AKNAD1: variants seen among roughly 807,000 people sequenced by gnomAD.
AKNAD1 encodes AKNA domain containing 1.
A neutral mutation model predicts 90.8 loss-of-function variants in AKNAD1; 67 were observed. The observed-to-expected ratio is 0.74, with a 90% CI of 0.61 to 0.90. The LOEUF is 0.90. AKNAD1 is among the 40% of genes least tolerant of loss of function. The probability of loss-of-function intolerance (pLI) is 0.00; values close to 1 mark genes in which losing one functional copy is unlikely to be tolerated. For synonymous variants in AKNAD1, 327 were observed against 341.4 expected (o/e 0.96, Z 0.46); for missense variants, 957 against 975.4 (o/e 0.98, Z 0.25).
chr1:108,839,218 G>A (rs952692298), intron 6 of AKNAD1, among the ~76,000 whole-genome samples: 51 of 152,292 alleles, frequency 3.3e-4, no homozygotes, highest in African/African-American at 1.2e-3. Flanking sequence ...CGGCGCGGTA[G>A]TTCACGCCTG....
chr1:108,839,449 G>A (rs1020113736), intron 6 of AKNAD1, among the ~76,000 whole-genome samples: 1 of 75,358 alleles, frequency 1.3e-5, no homozygotes, highest in Non-Finnish European at 2.6e-5. Flanking sequence ...CTCCAGCCTG[G>A]AGGAGCGAGA....
intron 1 of AKNAD1, 117 bp from the exon 2 acceptor site, chr1:108,852,884 G>T: frequency 9.9e-6 from 4 of 405,946 alleles, no homozygotes; most frequent in Admixed American, 4.1e-5. Context: ...CAGGAAGGCA[G>T]GAAGCTCAAC....
Position 108,830,614 on chromosome 1 carries a change from C to T in AKNAD1, c.1783G>A (p.Ala595Thr). Residue 595 changes from alanine to threonine, a missense_variant, in exon 10 of 16, where the codon GCA becomes ACA. Physicochemically the swap from Ala to Thr is moderately conservative, Grantham distance 58. Transcript: ENST00000370001. The part of the protein sequence containing the change: ...PNGTPRRQDC[A>T]EMTAPSPSCA... ...CTCGGACTGGGTGCCGTCATCTCTG[C>T]ACAATCCTGCCTTCTTGGAGTGCCG... 6.2e-7 allele frequency: 1 copy of T among 1,614,170 alleles called. No individual in the cohort carries two copies. The highest frequency in any genetic ancestry group is 8.5e-7 in the Non-Finnish European group (1 of 1,180,052).
At chr1:108,833,377 G>A (rs544431862) in intron 9 of AKNAD1, among the ~76,000 whole-genome samples, 132 of 152,266 alleles carry the variant, frequency 8.7e-4, no homozygotes, top group Admixed American at 1.4e-3. Context: ...GAGGTCGGGA[G>A]TTCTAGACCA....
At chr1:108,818,681 G>T (rs1011265275) in intron 14 of AKNAD1, among the ~76,000 whole-genome samples, 7 of 152,030 alleles carry the variant, frequency 4.6e-5, no homozygotes, top group Non-Finnish European at 1.5e-5. Flanking sequence ...CCAAGAAGTC[G>T]GCCAGGCATG....
Position 108,828,320 on chromosome 1 carries a change from G to C in AKNAD1, c.1839-1018C>G. On this transcript the variant is annotated intron_variant, in intron 10 of 15. Transcript: ENST00000370001. The stretch of plus-strand genomic sequence containing the variant: ...CAGGTGGCGTCAGAAAGAAGCAACT[G>C]CAATGGACATTGTTCAGGAGCCTTC... Among the ~76,000 whole-genome samples, 3 of 151,826 alleles carry C rather than the reference G, an allele frequency of 2.0e-5. No homozygotes were observed. In the East Asian group the frequency reaches 6.0e-4, roughly 30 times the overall value.
At chr1:108,854,404 T>G (rs1019715987) in intron 1 of AKNAD1, among the ~76,000 whole-genome samples, 3 of 152,208 alleles carry the variant, frequency 2.0e-5, no homozygotes, top group African/African-American at 7.2e-5. Context: ...TGAGGTTCTC[T>G]CTCCAACCAA....
intron 6 of AKNAD1, among the ~76,000 whole-genome samples, chr1:108,840,495 A>T (rs1307517751): frequency 6.6e-6 from 1 of 152,260 alleles, no homozygotes; most frequent in Non-Finnish European, 1.5e-5. Context: ...AATCCTCATG[A>T]AATTTTATTA....
intron 10 of AKNAD1, among the ~76,000 whole-genome samples, chr1:108,829,868 T>C (rs1664130794): frequency 6.6e-6 from 1 of 152,216 alleles, no homozygotes; most frequent in Admixed American, 6.5e-5. Context: ...GTAACATCTC[T>C]CGCTACCTGA....
intron 14 of AKNAD1, 43 bp downstream of exon 14, chr1:108,820,502 C>A (rs367812272): frequency 5.0e-5 from 67 of 1,334,470 alleles, no homozygotes; most frequent in Non-Finnish European, 6.3e-5. Context: ...ATCCACCCAA[C>A]CAATGAGAAA....
chr1:108,851,973 T>G lies in AKNAD1; in HGVS notation c.692A>C (p.Gln231Pro). 6.2e-7 allele frequency: 1 copy of G among 1,614,234 alleles called. No individual in the cohort carries two copies. The highest frequency in any genetic ancestry group is 8.5e-7 in the Non-Finnish European group (1 of 1,180,030). The change falls in exon 2 of 16, where the codon CAG becomes CCG. Residue 231 changes from glutamine (Q) to proline (P), a missense_variant. Physicochemically the swap from Gln to Pro is moderately conservative, Grantham distance 76 (BLOSUM62 -1). Transcript: ENST00000370001. ...TTCAGTCTGCTGTTTCTGGGGTGAC[T>G]GCCCTTGATAACTTTTTTGTTTATC... ...PGDKQKSYQG[Q>P]SPQKQQTEKA... is the part of the protein sequence containing the mutation.
At chr1:108,844,013 A>G (rs772128550) in intron 5 of AKNAD1, among the ~76,000 whole-genome samples, 3 of 151,904 alleles carry the variant, frequency 2.0e-5, no homozygotes, top group Non-Finnish European at 2.9e-5. Flanking sequence ...TGCATCAGGC[A>G]CAGTTCCTGG....
chr1:108,837,802 T>C, intron 6 of AKNAD1, 96 bp from the exon 7 acceptor site: 3 of 1,339,030 alleles, frequency 2.2e-6, no homozygotes, highest in Non-Finnish European at 3.1e-6. Context: ...ATTTATATTA[T>C]TAATGTGGCC....
At chr1:108,816,716 T>A (rs541609100) in intron 15 of AKNAD1, among the ~76,000 whole-genome samples, 1 of 152,210 alleles carries the variant, frequency 6.6e-6, no homozygotes, top group South Asian at 2.1e-4. Flanking sequence ...GAGTTAGTGA[T>A]TTGAAATAGG....
intron 5 of AKNAD1, among the ~76,000 whole-genome samples, chr1:108,848,430 C>T (rs746914773): frequency 6.6e-5 from 10 of 152,122 alleles, no homozygotes; most frequent in Non-Finnish European, 1.3e-4. Flanking sequence ...CACCAGTACC[C>T]ATCAACTGCG....
At chr1:108,827,705 T>G (rs1019194695) in intron 10 of AKNAD1, among the ~76,000 whole-genome samples, 2 of 149,366 alleles carry the variant, frequency 1.3e-5, no homozygotes, top group African/African-American at 4.9e-5. Context: ...TCCCAGCTAC[T>G]CGGGAGGCTG....
intron 5 of AKNAD1, among the ~76,000 whole-genome samples, chr1:108,847,187 C>CT (rs1176673870): frequency 6.6e-6 from 1 of 152,146 alleles, no homozygotes; most frequent in Non-Finnish European, 1.5e-5. Context: ...CGGCTCATGC[C>CT]TGTAATCCCA....
chr1:108,823,373 G>T lies in AKNAD1; in HGVS notation c.2164C>A (p.Pro722Thr). The T allele has an allele frequency of 1.2e-6, 2 of 1,609,044 alleles. 1 individual carries two copies. The highest frequency in any genetic ancestry group is 2.2e-5 in the South Asian group (2 of 91,008). Reference sequence around the variant, plus strand: ...GTCATGCAGGAGATGTACTTACAGGGTGAAGAGTTTTTACTTTCATCTAAA... The same window carrying T: ...GTCATGCAGGAGATGTACTTACAGGTTGAAGAGTTTTTACTTTCATCTAAA... ...HSLDESKNSS[P>T]SFLKPKRICS... Residue 722 changes from proline (P) to threonine (T), a missense_variant, in exon 13 of 16, where the codon CCC becomes ACC. Physicochemically the swap from Pro to Thr is conservative, Grantham distance 38. Coordinates refer to ENST00000370001, the MANE Select transcript of AKNAD1 (RefSeq NM_152763.5).
Position 108,835,063 on chromosome 1 carries a change from G to A in AKNAD1, c.1537-7C>T. The A allele has an allele frequency of 6.4e-7, 1 of 1,569,914 alleles. No homozygotes were observed. On this transcript the variant is annotated splice_region_variant and splice_polypyrimidine_tract_variant and intron_variant, in intron 7 of 15. Coordinates refer to ENST00000370001, the MANE Select transcript of AKNAD1 (RefSeq NM_152763.5). ...CGGGGTGCTCCTTGGGAATCTGGGG[G>A]AGCCACACAGAAAGACTTGAATTAG...
Sources: gnomAD v4.1 joint callset for allele counts (sites outside exome capture counted in the v4.1 genomes callset) on GRCh38, gnomAD v4.1.1 for gene constraint, MANE v1.5 for transcripts, NCBI Gene and HGNC (gene_info 2026-07-23, HGNC 2026-07-21) for gene names.